Variants in ZNF674 observed in about 807,000 individuals in gnomAD.
The protein encoded by ZNF674 is zinc finger family member 674.
ZNF674 carries 2 observed loss-of-function variants against 7.0 expected under a neutral mutation model. The ratio of observed to expected loss-of-function variants is 0.29; its 90% CI spans 0.12 to 0.90. The LOEUF (loss-of-function observed/expected upper bound fraction) is 0.90. Ranked by LOEUF, ZNF674 falls within the 40% of genes least tolerant of loss-of-function variation. The probability of loss-of-function intolerance (pLI) is 0.57; values close to 1 mark genes in which losing one functional copy is unlikely to be tolerated. For missense variants in ZNF674, 297 were observed against 415.5 expected, an observed-to-expected ratio of 0.71 and a Z score of 2.48; for synonymous variants, 103 against 145.2, an observed-to-expected ratio of 0.71 and a Z score of 2.09.
chrX:46,519,033 T>C (rs1941827382), intron 5 of ZNF674, among the ~76,000 whole-genome samples: 1 of 105,540 alleles, frequency 9.5e-6, no homozygotes, highest in South Asian at 4.2e-4. Flanking sequence ...TGAAACCTCG[T>C]GTATACTAAA....
chrX:46,503,722 A>G (rs772774167), intron 5 of ZNF674, among the ~76,000 whole-genome samples: 1 of 112,105 alleles, frequency 8.9e-6, no homozygotes, highest in African/African-American at 3.2e-5. Context: ...AGGATAAAAG[A>G]CGAGAATATT....
At chrX:46,501,662 A>ATGTGTGTGTGTGTGTGTGTG (rs372308686) in intron 5 of ZNF674, among the ~76,000 whole-genome samples, 40 of 102,354 alleles carry the variant, frequency 3.9e-4, no homozygotes, top group African/African-American at 1.3e-3. Context: ...TTGTATATAT[A>ATGTGTGTGTGTGTGTGTGTG]TGTGTGTGTG....
Position 46,528,380 on chromosome X carries a change from C to G in ZNF674, c.208G>C (p.Asp70His). 4.1e-6 allele frequency: 5 copies of G among 1,211,890 alleles called. No individual in the cohort carries two copies. Among genetic ancestry groups the G allele is most frequent in the Non-Finnish European group, 5.6e-6 (5 of 895,603 alleles). ...CAGGTCCGTACCGGGGTCCCTCCAT[C>G]TGCCATCCAGGACTCGTCACCTGGT... ...LGPGDESWMA[D>H]GGTPVRTCAE... Residue 70 changes from aspartate to histidine, a missense_variant, in exon 5 of 6, where the codon GAT becomes CAT. Transcript: ENST00000683375.
intron 3 of ZNF674, among the ~76,000 whole-genome samples, chrX:46,535,614 T>C (rs1416028093): frequency 8.9e-6 from 1 of 112,276 alleles, no homozygotes; most frequent in African/African-American, 3.2e-5. Context: ...ACTTACCATG[T>C]ATCCCTTTCA....
At chrX:46,524,027 A>G (rs950813401) in intron 5 of ZNF674, among the ~76,000 whole-genome samples, 1 of 107,557 alleles carries the variant, frequency 9.3e-6, no homozygotes, top group Non-Finnish European at 1.9e-5. Flanking sequence ...GGGCGACAAG[A>G]GCAAAACTCC....
Position 46,505,854 on chromosome X carries a change from A to G in ZNF674, c.239-4519T>C, listed in dbSNP as rs1386245946. Among the ~76,000 whole-genome samples, 4 of 111,094 alleles carry G rather than the reference A, an allele frequency of 3.6e-5. No homozygotes were observed. The East Asian group carries it at 1.1e-3, about 31-fold the overall frequency. ...GCCAGGTCATGGTTCACTTGGCACT[A>G]CTACTACTCTTCCTGCTCTCCCACT... On this transcript the variant is annotated intron_variant, in intron 5 of 5. Transcript: ENST00000683375.
intron 5 of ZNF674, among the ~76,000 whole-genome samples, chrX:46,510,425 A>G (rs1278388087): frequency 8.9e-6 from 1 of 112,252 alleles, no homozygotes; most frequent in Non-Finnish European, 1.9e-5. Flanking sequence ...AAAGGAGGAA[A>G]AACTGTCTTC....
At chrX:46,522,005 G>A (rs756463406) in intron 5 of ZNF674, among the ~76,000 whole-genome samples, 9 of 108,360 alleles carry the variant, frequency 8.3e-5, no homozygotes, top group Admixed American at 5.0e-4. Context: ...CGCAGGCACC[G>A]TGTAAGATTT....
intron 3 of ZNF674, among the ~76,000 whole-genome samples, chrX:46,531,196 G>T (rs1488196159): frequency 2.7e-5 from 3 of 112,672 alleles, no homozygotes; most frequent in Admixed American, 9.4e-5. Context: ...GGGCATGAAA[G>T]GTCTGTGGAC....
intron 5 of ZNF674, among the ~76,000 whole-genome samples, chrX:46,519,255 T>TAGAC (rs1941843670): frequency 1.4e-5 from 1 of 73,995 alleles, no homozygotes; most frequent in African/African-American, 5.3e-5. Flanking sequence ...GATAGATAGA[T>TAGAC]AGATAGATAA....
In ZNF674 at chrX:46,503,597, A is replaced by G. The variant is rs1266902351; in HGVS notation, c.239-2262T>C. Among the ~76,000 whole-genome samples the G allele has an allele frequency of 8.0e-5, 9 of 112,312 alleles. No homozygotes were observed. The South Asian group carries it at 3.3e-3, about 41-fold the overall frequency. ...ATCAGCTCCATGTTTTCAGAAGACAATTAGGGCAAAATGACAGAGATGTGT... is the reference window on the plus strand; with the variant it reads ...ATCAGCTCCATGTTTTCAGAAGACAGTTAGGGCAAAATGACAGAGATGTGT... On this transcript the variant is annotated intron_variant, in intron 5 of 5. Transcript: ENST00000683375.
chrX:46,519,690 A>G (rs936348472), intron 5 of ZNF674, among the ~76,000 whole-genome samples: 12 of 112,011 alleles, frequency 1.1e-4, no homozygotes, highest in African/African-American at 3.9e-4. Flanking sequence ...AGTGACAAAC[A>G]GTAAAGAGGT....
chrX:46,506,456 T>C (rs1400187491), intron 5 of ZNF674, among the ~76,000 whole-genome samples: 1 of 110,707 alleles, frequency 9.0e-6, no homozygotes, highest in African/African-American at 3.3e-5. Context: ...ATTTATTTCC[T>C]ATCAGGCACC....
chrX:46,525,640 A>G (rs1941998602), intron 5 of ZNF674, among the ~76,000 whole-genome samples: 1 of 110,562 alleles, frequency 9.0e-6, no homozygotes, highest in Non-Finnish European at 1.9e-5. Flanking sequence ...GGGCAAAAAA[A>G]GAAGTAAAGG....
rs1430327007 is a variant in ZNF674 at position 46,498,093 on chromosome X, A to G, written c.*1750T>C. ...ATATTAATCATATGGTTATTGTTTT[A>G]TAATATTTTTTACCTAATGATTTAC... On this transcript the variant is annotated 3_prime_UTR_variant, in exon 6 of 6. Transcript: ENST00000683375. The G allele has an allele frequency of 1.8e-5, 2 of 111,035 alleles. No homozygotes were observed. Among genetic ancestry groups the G allele is most frequent in the Non-Finnish European group, 3.8e-5 (2 of 52,944 alleles). The allele number at this position is 111,035 out of a possible 1,213,427, so 9.2% of individuals were successfully genotyped here. A position where few individuals can be genotyped will look rare whatever the true frequency, so the allele number is the denominator to read the frequency against.
rs142042382 is a variant in ZNF674 at position 46,521,355 on chromosome X, T to C, written c.238+6995A>G. ...ACTTTGGGAGACTGAGGCAGGTGGATCGCTTGAGCCCAGGAGTTTGAGACC... is the reference window on the plus strand; with the variant it reads ...ACTTTGGGAGACTGAGGCAGGTGGACCGCTTGAGCCCAGGAGTTTGAGACC... On this transcript the variant is annotated intron_variant, in intron 5 of 5. Coordinates refer to ENST00000683375, the MANE Select transcript of ZNF674 (RefSeq NM_001190417.2). Among the ~76,000 whole-genome samples, 216 of 111,367 alleles carry C rather than the reference T, an allele frequency of 1.9e-3. 4 individuals are homozygous for C. The South Asian group carries it at 0.036, about 18-fold the overall frequency.
intron 3 of ZNF674, among the ~76,000 whole-genome samples, chrX:46,530,677 G>T (rs1487044670): frequency 1.8e-5 from 2 of 112,822 alleles, no homozygotes; most frequent in East Asian, 5.5e-4. Flanking sequence ...CTGGCAAGAA[G>T]CTCCTGCAAC....
At chrX:46,541,073 A>C (rs1458047263) in intron 3 of ZNF674, among the ~76,000 whole-genome samples, 1 of 100,678 alleles carries the variant, frequency 9.9e-6, no homozygotes, top group East Asian at 3.0e-4. Context: ...TAAAAAAAAA[A>C]AAAAAAGGCC....
chrX:46,504,782 C>A (rs1445713997), intron 5 of ZNF674, among the ~76,000 whole-genome samples: 1 of 111,344 alleles, frequency 9.0e-6, no homozygotes, highest in Non-Finnish European at 1.9e-5. Flanking sequence ...TACTGTTTAC[C>A]TGGGGAGGAG....
Sources: allele counts gnomAD v4.1 joint callset (sites outside exome capture counted in the v4.1 genomes callset), GRCh38; gene constraint gnomAD v4.1.1; transcripts MANE v1.5; gene names NCBI Gene and HGNC (gene_info 2026-07-23, HGNC 2026-07-21).